Variants in BICC1 observed in about 807,000 individuals in gnomAD.
BICC1 encodes BicC family RNA binding protein 1.
BICC1 carries 43 observed loss-of-function variants against 111.0 expected under a neutral mutation model. The ratio of observed to expected loss-of-function variants is 0.39; its 90% CI spans 0.30 to 0.50. BICC1 has a LOEUF of 0.50. BICC1 is among the 20% of genes least tolerant of loss of function. The probability of loss-of-function intolerance (pLI) is 0.88; values close to 1 mark genes in which losing one functional copy is unlikely to be tolerated. For synonymous variants in BICC1, 467 were observed against 434.4 expected (o/e 1.07, Z -0.93); for missense variants, 1,091 against 1,203.2 (o/e 0.91, Z 1.38).
intron 2 of BICC1, among the ~76,000 whole-genome samples, chr10:58,621,186 C>A (rs974787879): frequency 2.6e-5 from 4 of 152,194 alleles, no homozygotes; most frequent in Non-Finnish European, 5.9e-5. Context: ...GTGGCATTCA[C>A]ACTTCATTTG....
At chr10:58,664,782 A>C in intron 2 of BICC1, among the ~76,000 whole-genome samples, 1 of 152,090 alleles carries the variant, frequency 6.6e-6, no homozygotes, top group Non-Finnish European at 1.5e-5. Flanking sequence ...TGGTAAATAA[A>C]ATTAATACCC....
intron 2 of BICC1, among the ~76,000 whole-genome samples, chr10:58,681,966 G>A (rs538036743): frequency 6.6e-5 from 10 of 151,800 alleles, no homozygotes; most frequent in East Asian, 1.9e-4. Context: ...TGCTGCACCC[G>A]TTAACTCATC....
intron 3 of BICC1, among the ~76,000 whole-genome samples, chr10:58,780,605 A>C (rs1842858095): frequency 6.6e-6 from 1 of 152,164 alleles, no homozygotes; most frequent in Non-Finnish European, 1.5e-5. Flanking sequence ...TTGCTGTGGA[A>C]TAGGAATGAA....
At chr10:58,678,067 G>A (rs927198857) in intron 2 of BICC1, among the ~76,000 whole-genome samples, 19 of 152,124 alleles carry the variant, frequency 1.2e-4, no homozygotes, top group African/African-American at 3.9e-4. Flanking sequence ...AGGAAAAAAC[G>A]GGACCAGCTG....
At chr10:58,568,996 G>C (rs1658434) in intron 1 of BICC1, among the ~76,000 whole-genome samples, 69,970 of 152,052 alleles carry the variant, frequency 0.46, 17,130 homozygotes, top group Admixed American at 0.62. Context: ...AAAGACAAAT[G>C]AAGACATTCT....
Position 58,789,417 on chromosome 10 carries a change from C to G in BICC1, c.756C>G (p.Val252=). Residue 252 remains valine (V), a synonymous_variant, in exon 7 of 21, where the codon GTC becomes GTG. Coordinates refer to ENST00000373886, the MANE Select transcript of BICC1 (RefSeq NM_001080512.3). ...GTTCCCGAATGTATGGTGCTACTGT[C>G]ATAGTACGAGGGTCTCAGAATAACA... ...KQRSRMYGAT[V]IVRGSQNNTS... 6.2e-7 allele frequency: 1 copy of G among 1,613,994 alleles called. No individual in the cohort carries two copies. The highest frequency in any genetic ancestry group is 1.3e-5 in the African/African-American group (1 of 75,040).
chr10:58,558,364 C>G (rs767498371), intron 1 of BICC1, among the ~76,000 whole-genome samples: 1 of 152,052 alleles, frequency 6.6e-6, no homozygotes, highest in Non-Finnish European at 1.5e-5. Flanking sequence ...GTTTCCAGGC[C>G]CAGTTCCTCT....
intron 7 of BICC1, 51 bp from the exon 8 acceptor site, chr10:58,789,631 A>G (rs1843115343): frequency 1.9e-6 from 3 of 1,600,042 alleles, no homozygotes; most frequent in Admixed American, 1.7e-5. Context: ...CTTTCCCCGT[A>G]TATGAACAGT....
At chr10:58,632,958 A>G (rs1480354709) in intron 2 of BICC1, among the ~76,000 whole-genome samples, 4 of 152,276 alleles carry the variant, frequency 2.6e-5, no homozygotes, top group East Asian at 1.9e-4. Flanking sequence ...AGGATTTGAA[A>G]TCTAAAAGTT....
At chr10:58,671,167 A>G (rs945953885) in intron 2 of BICC1, among the ~76,000 whole-genome samples, 3 of 152,174 alleles carry the variant, frequency 2.0e-5, no homozygotes, top group Non-Finnish European at 4.4e-5. Context: ...CTCCAAGAAA[A>G]CCTTCTTATA....
rs1843539153 is a variant in BICC1, at chr10:58,559,175, T to C, written c.190+45842T>C. Reference sequence around the variant, plus strand: ...ATGTATTTATATATATTTAGGAGATTTATAATGACTTATCTGAGAGTCTGT... The same window carrying C: ...ATGTATTTATATATATTTAGGAGATCTATAATGACTTATCTGAGAGTCTGT... On this transcript the variant is annotated intron_variant, in intron 1 of 20. Transcript: ENST00000373886. Among the ~76,000 whole-genome samples the C allele has an allele frequency of 2.0e-5, 3 of 152,074 alleles. No individual in the cohort carries two copies. The East Asian group carries it at 5.8e-4, about 29-fold the overall frequency.
intron 3 of BICC1, among the ~76,000 whole-genome samples, chr10:58,746,268 G>A (rs1201864030): frequency 1.3e-5 from 2 of 152,066 alleles, no homozygotes; most frequent in East Asian, 3.9e-4. Flanking sequence ...TTACAATTTA[G>A]GGTGAGCAAA....
intron 1 of BICC1, among the ~76,000 whole-genome samples, chr10:58,605,364 T>G (rs1157333971): frequency 2.6e-5 from 4 of 152,232 alleles, no homozygotes; most frequent in African/African-American, 9.6e-5. Context: ...GAAATCTGTT[T>G]ATTGCATTCT....
chr10:58,562,241 T>C (rs993673577), intron 1 of BICC1, among the ~76,000 whole-genome samples: 3 of 152,168 alleles, frequency 2.0e-5, no homozygotes, highest in Non-Finnish European at 4.4e-5. Context: ...TGCGAAAATA[T>C]GTTCACTTAT....
chr10:58,790,509 A>G (rs765313129), intron 8 of BICC1, among the ~76,000 whole-genome samples: 80 of 152,258 alleles, frequency 5.3e-4, no homozygotes, highest in Admixed American at 5.2e-4. Context: ...TATAATTGCA[A>G]TATTTCTATC....
intron 3 of BICC1, among the ~76,000 whole-genome samples, chr10:58,777,980 G>A (rs1017566453): frequency 3.3e-5 from 5 of 152,030 alleles, no homozygotes; most frequent in Admixed American, 3.3e-4. Context: ...AGCACTTTGG[G>A]AGGCCGAGTC....
intron 8 of BICC1, 123 bp downstream of exon 8, chr10:58,790,056 A>C: frequency 9.0e-7 from 1 of 1,117,100 alleles, no homozygotes; most frequent in East Asian, 2.4e-5. Context: ...TCAAATAAGG[A>C]AGTTTCTTGC....
At chr10:58,684,685 G>A (rs1678366947) in intron 2 of BICC1, among the ~76,000 whole-genome samples, 1 of 152,178 alleles carries the variant, frequency 6.6e-6, no homozygotes, top group Non-Finnish European at 1.5e-5. Context: ...AGTATTCTCT[G>A]ATGGTAGTTT....
chr10:58,674,853 A>T (rs1341078626), intron 2 of BICC1, among the ~76,000 whole-genome samples: 1 of 152,214 alleles, frequency 6.6e-6, no homozygotes, highest in Non-Finnish European at 1.5e-5. Context: ...GAGCTCTGAG[A>T]GAAGTAAAAC....
Sources: allele counts gnomAD v4.1 joint callset (sites outside exome capture counted in the v4.1 genomes callset), GRCh38; gene constraint gnomAD v4.1.1; transcripts MANE v1.5; gene names NCBI Gene and HGNC (gene_info 2026-07-23, HGNC 2026-07-21).